Variants in DCUN1D5 observed in about 807,000 individuals in gnomAD.
DCUN1D5 encodes the protein DCN1-like protein 5.
DCUN1D5 carries 10 observed loss-of-function variants against 38.3 expected under a neutral mutation model. The observed-to-expected ratio is 0.26, with a 90% confidence interval of 0.16 to 0.44. The LOEUF is 0.44. DCUN1D5 is among the 20% of genes least tolerant of loss of function. The pLI is 1.00. For missense variants in DCUN1D5, 148 were observed against 275.3 expected, an observed-to-expected ratio of 0.54 and a Z score of 3.27; for synonymous variants, 93 against 90.9, an observed-to-expected ratio of 1.02 and a Z score of -0.13.
chr11:103,055,116 C>A lies in DCUN1D5; in HGVS notation c.*7243G>T, dbSNP rs1391515654. The A allele has an allele frequency of 6.6e-6, 1 of 152,096 alleles. No individual in the cohort carries two copies. The highest frequency in any genetic ancestry group is 1.5e-5 in the Non-Finnish European group (1 of 68,018). The allele number at this position is 152,096 out of a possible 1,614,324, so 9.4% of individuals were successfully genotyped here. ...ATATACACTTTTTACACATAGCCTG[C>A]AGCTAATTTTATTTTTCTCTTGGGA... On this transcript the variant is annotated 3_prime_UTR_variant, in exon 8 of 8. Coordinates refer to ENST00000260247, the MANE Select transcript of DCUN1D5 (RefSeq NM_032299.4).
Position 103,064,335 on chromosome 11 carries a change from C to T in DCUN1D5, c.598G>A (p.Val200Ile), listed in dbSNP as rs766166686. Residue 200 changes from valine to isoleucine, a missense_variant, in exon 7 of 8, where the codon GTA (valine) becomes ATA (isoleucine). Val to Ile is a conservative substitution (Grantham distance 29). Coordinates refer to ENST00000260247, the MANE Select transcript of DCUN1D5 (RefSeq NM_032299.4). This position sits in a 1 kb window ranked among gnomAD's most constrained non-coding sequence, Gnocchi z 4.5. ...RVMNKDQWYN[V>I]LEFSRTVHAD... The stretch of plus-strand genomic sequence containing the variant: ...TGGACTGTTCTGCTGAATTCTAATA[C>T]ATTGTACCATTGATCTTTGTTCATA... The T allele has an allele frequency of 9.9e-6, 16 of 1,610,204 alleles. No homozygotes were observed. The highest frequency in any genetic ancestry group is 1.2e-5 in the Non-Finnish European group (14 of 1,178,776).
Position 103,064,144 on chromosome 11 carries a change from A to G in DCUN1D5, c.658+131T>C. On this transcript the variant is annotated intron_variant, in intron 7 of 7. Transcript: ENST00000260247. The surrounding 1 kb of genome is among the most constrained non-coding windows in gnomAD (Gnocchi z 4.5). ...AAGCTCTCTCTCTACTTCTCCCACAATCCCTCACACAATTAAATAAGTTAC... is the reference window on the plus strand; with the variant it reads ...AAGCTCTCTCTCTACTTCTCCCACAGTCCCTCACACAATTAAATAAGTTAC... 2 of 613,254 alleles carry G rather than the reference A, an allele frequency of 3.3e-6. No homozygotes were observed. The highest frequency in any genetic ancestry group is 5.5e-6 in the Non-Finnish European group (2 of 362,366). 38.0% of individuals were successfully genotyped at this position (613,254 alleles called of 1,614,324 possible). A position where few individuals can be genotyped will look rare whatever the true frequency, so the allele number is the denominator to read the frequency against.
rs1252501278 is a variant in DCUN1D5, at chr11:103,078,304, ACCT to A, written c.341+4441_341+4443del. On this transcript the variant is annotated intron_variant, in intron 4 of 7. Coordinates refer to ENST00000260247, the MANE Select transcript of DCUN1D5 (RefSeq NM_032299.4). This position sits in a 1 kb window ranked among gnomAD's most constrained non-coding sequence, Gnocchi z 4.6. ...TTTCAGCTAGCAGATATGAGAAAAG[ACCT>A]CCACTCTAGTACACTATGCCAGAAC... 6.6e-6 allele frequency among the ~76,000 whole-genome samples: 1 copy of A among 152,158 alleles called. No individual in the cohort carries two copies. The highest frequency in any genetic ancestry group is 1.5e-5 in the Non-Finnish European group (1 of 68,034).
rs1259291082 is a variant in DCUN1D5 at position 103,081,478 on chromosome 11, C to T, written c.341+1270G>A. Among the ~76,000 whole-genome samples the T allele has an allele frequency of 3.3e-5, 5 of 152,080 alleles. No homozygotes were observed. In the East Asian group the frequency reaches 9.6e-4, roughly 29 times the overall value. On this transcript the variant is annotated intron_variant, in intron 4 of 7. Coordinates refer to ENST00000260247, the MANE Select transcript of DCUN1D5 (RefSeq NM_032299.4). ...CATATTATGACACCTAAATGTATGG[C>T]AGAATTCAGTCTTGGTAGCAAATGC...
rs1862449266 is a variant in DCUN1D5 at position 103,077,840 on chromosome 11, G to C, written c.341+4908C>G. Among the ~76,000 whole-genome samples the C allele has an allele frequency of 6.6e-6, 1 of 152,096 alleles. No homozygotes were observed. The highest frequency in any genetic ancestry group is 1.5e-5 in the Non-Finnish European group (1 of 68,020). On this transcript the variant is annotated intron_variant, in intron 4 of 7. Coordinates refer to ENST00000260247, the MANE Select transcript of DCUN1D5 (RefSeq NM_032299.4). The surrounding 1 kb of genome is among the most constrained non-coding windows in gnomAD (Gnocchi z 4.3). ...CCAGAACAATACCATCTACTTCTAG[G>C]GGTATTTGAAAATGTGCAGAGGGGC...
chr11:103,059,349 C>T lies in DCUN1D5; in HGVS notation c.*3010G>A, dbSNP rs888547954. Among the ~76,000 whole-genome samples, 8 of 151,966 alleles carry T rather than the reference C, an allele frequency of 5.3e-5. No individual in the cohort carries two copies. Among genetic ancestry groups the T allele is most frequent in the Non-Finnish European group, 1.0e-4 (7 of 67,990 alleles). Reference sequence around the variant, plus strand: ...GTTATCTCAGAATTTACTCCCACCCCGACCCCGAGTGATGGCATTCAATAT... The same window carrying T: ...GTTATCTCAGAATTTACTCCCACCCTGACCCCGAGTGATGGCATTCAATAT... On this transcript the variant is annotated 3_prime_UTR_variant, in exon 8 of 8. Transcript: ENST00000260247.
In DCUN1D5 at chr11:103,083,306, G is replaced by T; in HGVS notation, c.199C>A (p.Pro67Thr). ...TCACAAAATTTTTCCATTCCTTCTG[G>T]CCCTACAACTTCATCAGGACCTTCA... ...EYAGPDEVVG[P>T]EGMEKFCEDI... The change falls in exon 3 of 8, where the codon CCA becomes ACA. Residue 67 changes from proline (P) to threonine (T), a missense_variant. By Grantham distance (38) the Pro-to-Thr change is conservative. Transcript: ENST00000260247. The surrounding 1 kb of genome is among the most constrained non-coding windows in gnomAD (Gnocchi z 4.4). 1.3e-6 allele frequency: 2 copies of T among 1,597,362 alleles called. No homozygotes were observed. Among genetic ancestry groups the T allele is most frequent in the Non-Finnish European group, 1.7e-6 (2 of 1,165,688 alleles).
rs561526755 is a variant in DCUN1D5, at chr11:103,078,411, C to G, written c.341+4337G>C. Among the ~76,000 whole-genome samples the G allele has an allele frequency of 6.6e-6, 1 of 152,328 alleles. No homozygotes were observed. The highest frequency in any genetic ancestry group is 2.4e-5 in the African/African-American group (1 of 41,576). On this transcript the variant is annotated intron_variant, in intron 4 of 7. Coordinates refer to ENST00000260247, the MANE Select transcript of DCUN1D5 (RefSeq NM_032299.4). The surrounding 1 kb of genome is among the most constrained non-coding windows in gnomAD (Gnocchi z 4.6). ...ATTCCATAACCTCCTGAGAGCACAT[C>G]AAATTTTTGTGTCTAGCAGTACATG...
chr11:103,061,692 C>A lies in DCUN1D5; in HGVS notation c.*667G>T, dbSNP rs1862014582. On this transcript the variant is annotated 3_prime_UTR_variant, in exon 8 of 8. Transcript: ENST00000260247. ...ATTATCAACAATAATAATGATGATA[C>A]AACTTAATAATACAACTTTTTTAGA... Among the ~76,000 whole-genome samples, 1 of 149,496 alleles carries A rather than the reference C, an allele frequency of 6.7e-6. No individual in the cohort carries two copies. Among genetic ancestry groups the A allele is most frequent in the Non-Finnish European group, 1.5e-5 (1 of 67,530 alleles).
In DCUN1D5 at chr11:103,062,533, C is replaced by T. The variant is rs1862039387; in HGVS notation, c.659-119G>A. ...ATGACCCTTCCTTTCTTTGGGTGTT[C>T]TGCTTCTAGACACCTTATTCCATTT... On this transcript the variant is annotated intron_variant, in intron 7 of 7. Transcript: ENST00000260247. This position sits in a 1 kb window ranked among gnomAD's most constrained non-coding sequence, Gnocchi z 4.6. The T allele has an allele frequency of 1.2e-6, 1 of 828,686 alleles. No individual in the cohort carries two copies. The highest frequency in any genetic ancestry group is 1.9e-6 in the Non-Finnish European group (1 of 515,986). The allele number at this position is 828,686 out of a possible 1,614,324, so 51.3% of individuals were successfully genotyped here. A position where few individuals can be genotyped will look rare whatever the true frequency, so the allele number is the denominator to read the frequency against.
chr11:103,079,374 C>T (rs925763659), intron 4 of DCUN1D5, among the ~76,000 whole-genome samples: 5 of 152,184 alleles, frequency 3.3e-5, no homozygotes, highest in African/African-American at 1.2e-4. Flanking sequence ...TCGCTGTGAT[C>T]ACCAGTAAGT....
In DCUN1D5 at chr11:103,086,262, A is replaced by C. The variant is rs1862704694; in HGVS notation, c.179-2936T>G. On this transcript the variant is annotated intron_variant, in intron 2 of 7. Coordinates refer to ENST00000260247, the MANE Select transcript of DCUN1D5 (RefSeq NM_032299.4). The surrounding 1 kb of genome is among the most constrained non-coding windows in gnomAD (Gnocchi z 4.1). ...CATTAATTTTGGAACACTGTAAAAA[A>C]CACACAACCAGTAAATCTGATGCTG... is the stretch of plus-strand genomic sequence containing the variant. Among the ~76,000 whole-genome samples, 1 of 152,190 alleles carries C rather than the reference A, an allele frequency of 6.6e-6. No homozygotes were observed.
rs1159400513 is a variant in DCUN1D5 at position 103,091,976 on chromosome 11, G to C, written c.-104C>G. 2.7e-6 allele frequency: 3 copies of C among 1,123,328 alleles called. No individual in the cohort carries two copies. Among genetic ancestry groups the C allele is most frequent in the Admixed American group, 2.7e-5 (1 of 36,750 alleles). The allele number at this position is 1,123,328 out of a possible 1,614,324, so 69.6% of individuals were successfully genotyped here. ...ACCCAGTTCCCAGAGACAGCAGCAA[G>C]CGGAGGAGCAGAGTCGCCAGCCCGC... On this transcript the variant is annotated 5_prime_UTR_variant, in exon 1 of 8. Coordinates refer to ENST00000260247, the MANE Select transcript of DCUN1D5 (RefSeq NM_032299.4). The surrounding 1 kb of genome is among the most constrained non-coding windows in gnomAD (Gnocchi z 4.3).
intron 2 of DCUN1D5, among the ~76,000 whole-genome samples, chr11:103,084,261 T>C (rs1265805282): frequency 1.3e-5 from 2 of 152,174 alleles, no homozygotes; most frequent in African/African-American, 4.8e-5. Context: ...GAAGCCTCTA[T>C]TTTCCTTTTT....
rs1861980783 is a variant in DCUN1D5 at position 103,060,259 on chromosome 11, AC to A, written c.*2099del. 6.6e-6 allele frequency among the ~76,000 whole-genome samples: 1 copy of A among 152,142 alleles called. No individual in the cohort carries two copies. Among genetic ancestry groups the A allele is most frequent in the Non-Finnish European group, 1.5e-5 (1 of 68,014 alleles). On this transcript the variant is annotated 3_prime_UTR_variant, in exon 8 of 8. Transcript: ENST00000260247. Reference sequence around the variant, plus strand: ...CAAAGTATGGCTAGGGTAGGATAGGACAGTTGACTTTAAGGGAAAAAATAAA... The same window carrying A: ...CAAAGTATGGCTAGGGTAGGATAGGAAGTTGACTTTAAGGGAAAAAATAAA...
At chr11:103,089,107 C>T (rs1342454387) in intron 2 of DCUN1D5, 120 bp downstream of exon 2, 2 of 900,358 alleles carry the variant, frequency 2.2e-6, no homozygotes, top group Admixed American at 2.9e-5. Context: ...AGTCCTGACC[C>T]TCATCCCAGT....
Position 103,051,501 on chromosome 11 carries a change from T to TCCCCCCCCCCCCCCCCCC in DCUN1D5, c.*10857_*10858insGGGGGGGGGGGGGGGGGG, listed in dbSNP as rs71066136. The TCCCCCCCCCCCCCCCCCC allele has an allele frequency of 9.0e-6, 1 of 111,420 alleles. No homozygotes were observed. Among genetic ancestry groups the TCCCCCCCCCCCCCCCCCC allele is most frequent in the Non-Finnish European group, 1.8e-5 (1 of 56,744 alleles). The allele number at this position is 111,420 out of a possible 1,614,324, so 6.9% of individuals were successfully genotyped here. A position where few individuals can be genotyped will look rare whatever the true frequency, so the allele number is the denominator to read the frequency against. ...GATTTGGTGGCTTCACATATTTACTTCCCCCCCCCCCCCGCCACCCCTGTG... is the reference window on the plus strand; with the variant it reads ...GATTTGGTGGCTTCACATATTTACTTCCCCCCCCCCCCCCCCCCCCCCCCCCCCCCCGCCACCCCTGTG... On this transcript the variant is annotated 3_prime_UTR_variant, in exon 8 of 8. Coordinates refer to ENST00000260247, the MANE Select transcript of DCUN1D5 (RefSeq NM_032299.4).
At position 103,078,793 on chromosome 11, in the gene DCUN1D5, G is replaced by A. The variant is rs1444151820; in HGVS notation, c.341+3955C>T. On this transcript the variant is annotated intron_variant, in intron 4 of 7. Coordinates refer to ENST00000260247, the MANE Select transcript of DCUN1D5 (RefSeq NM_032299.4). This position sits in a 1 kb window ranked among gnomAD's most constrained non-coding sequence, Gnocchi z 4.6. The stretch of plus-strand genomic sequence containing the variant: ...TTTCCCTCTTCTGAAACATTTTCCT[G>A]TATCCTCAACAAACAAAATCCTAAT... Among the ~76,000 whole-genome samples, 3 of 152,124 alleles carry A rather than the reference G, an allele frequency of 2.0e-5. No individual in the cohort carries two copies. The highest frequency in any genetic ancestry group is 1.3e-4 in the Admixed American group (2 of 15,276).
chr11:103,053,612 C>T lies in DCUN1D5; in HGVS notation c.*8747G>A, dbSNP rs943818680. On this transcript the variant is annotated 3_prime_UTR_variant, in exon 8 of 8. Transcript: ENST00000260247. This position sits in a 1 kb window ranked among gnomAD's most constrained non-coding sequence, Gnocchi z 4.8. ...ATCACATGTACCCCCCAAATAAATA[C>T]ATTATGTATCAATGAATTTTAATTA... 3.3e-5 allele frequency: 5 copies of T among 151,434 alleles called. No homozygotes were observed. The highest frequency in any genetic ancestry group is 6.6e-5 in the Admixed American group (1 of 15,192). 9.4% of individuals were successfully genotyped at this position (151,434 alleles called of 1,614,324 possible). A position where few individuals can be genotyped will look rare whatever the true frequency, so the allele number is the denominator to read the frequency against.
Sources: gnomAD v4.1 joint callset for allele counts (sites outside exome capture counted in the v4.1 genomes callset) on GRCh38, gnomAD v4.1.1 for gene constraint, Gnocchi (gnomAD v3.1) non-coding constraint, MANE v1.5 for transcripts, NCBI Gene and HGNC (gene_info 2026-07-23, HGNC 2026-07-21) for gene names.